The following TSPAN7 variants were observed in gnomAD, a reference collection of about 807,000 sequenced individuals.
The protein encoded by TSPAN7 is tetraspanin-7.
A neutral mutation model predicts 17.6 loss-of-function variants in TSPAN7; 1 was observed. That is an observed-to-expected ratio of 0.06 (90% CI 0.02 to 0.27). The LOEUF (loss-of-function observed/expected upper bound fraction) is 0.27, where lower values mean the gene tolerates loss of function less well. TSPAN7 is among the 10% of genes least tolerant of loss of function. The pLI is 1.00. For synonymous variants in TSPAN7, 78 were observed against 79.0 expected, an observed-to-expected ratio of 0.99 and a Z score of 0.07; for missense variants, 112 against 201.7, an observed-to-expected ratio of 0.56 and a Z score of 2.69.
chrX:38,642,902 G>T (rs2069621438), intron 1 of TSPAN7, among the ~76,000 whole-genome samples: 1 of 111,347 alleles, frequency 9.0e-6, no homozygotes, highest in Admixed American at 9.5e-5. Context: ...ATGCTTCTGA[G>T]AGTTCCTAGC....
chrX:38,569,402 C>T (rs935464319), intron 1 of TSPAN7, among the ~76,000 whole-genome samples: 1 of 106,586 alleles, frequency 9.4e-6, no homozygotes, highest in Non-Finnish European at 1.9e-5. Flanking sequence ...CTTATATTCC[C>T]CAGTTCAGGG....
At chrX:38,649,110 C>T (rs2069662138) in intron 1 of TSPAN7, among the ~76,000 whole-genome samples, 1 of 110,917 alleles carries the variant, frequency 9.0e-6, no homozygotes, top group African/African-American at 3.3e-5. Context: ...GTCCTTAGGC[C>T]CTTTCTTCAC....
intron 1 of TSPAN7, among the ~76,000 whole-genome samples, chrX:38,633,472 G>A (rs963636963): frequency 1.8e-5 from 2 of 111,946 alleles, no homozygotes; most frequent in Non-Finnish European, 3.8e-5. Context: ...ATAAATGTTA[G>A]GTTTAAAAAT....
intron 1 of TSPAN7, among the ~76,000 whole-genome samples, chrX:38,642,310 T>C (rs2069617083): frequency 9.0e-6 from 1 of 111,672 alleles, no homozygotes; most frequent in Non-Finnish European, 1.9e-5. Context: ...GACAATACCA[T>C]CATGAGAGGA....
At chrX:38,579,547 G>T (rs2069216225) in intron 1 of TSPAN7, among the ~76,000 whole-genome samples, 1 of 111,297 alleles carries the variant, frequency 9.0e-6, no homozygotes. Context: ...GATTGTGCCA[G>T]CCTGGGTGAC....
At chrX:38,564,988 C>CT (rs201353137) in intron 1 of TSPAN7, among the ~76,000 whole-genome samples, 3,058 of 109,057 alleles carry the variant, frequency 0.028, 135 homozygotes, top group East Asian at 0.23. Context: ...CCTATTTTTT[C>CT]TTTTTTTTTG....
intron 1 of TSPAN7, among the ~76,000 whole-genome samples, chrX:38,639,423 G>A (rs997997573): frequency 4.7e-5 from 5 of 105,406 alleles, no homozygotes; most frequent in Non-Finnish European, 3.9e-5. Flanking sequence ...ACTTTACATC[G>A]TCTGATTTGG....
chrX:38,614,992 CT>C (rs5902195), intron 1 of TSPAN7, among the ~76,000 whole-genome samples: 32,333 of 104,308 alleles, frequency 0.31, 3,962 homozygotes, highest in East Asian at 0.65. Context: ...CAGATTTATT[CT>C]TTTTTTTTTT....
intron 3 of TSPAN7, among the ~76,000 whole-genome samples, chrX:38,673,232 G>A (rs2069832493): frequency 9.0e-6 from 1 of 111,711 alleles, no homozygotes; most frequent in South Asian, 3.8e-4. Flanking sequence ...TTTACCAATT[G>A]GGGGTCAGTT....
intron 1 of TSPAN7, among the ~76,000 whole-genome samples, chrX:38,618,048 A>G (rs1382089299): frequency 1.8e-5 from 2 of 112,049 alleles, no homozygotes; most frequent in African/African-American, 6.5e-5. Context: ...TCGTTGGTGC[A>G]GTGAACATCA....
At chrX:38,579,598 G>T (rs1035361246) in intron 1 of TSPAN7, among the ~76,000 whole-genome samples, 2 of 110,727 alleles carry the variant, frequency 1.8e-5, no homozygotes, top group Non-Finnish European at 1.9e-5. Context: ...TAATAATAAT[G>T]CAAAGCAAAA....
At chrX:38,671,502 T>G in intron 3 of TSPAN7, 52 bp downstream of exon 3, 1 of 1,099,053 alleles carries the variant, frequency 9.1e-7, no homozygotes, top group Non-Finnish European at 1.3e-6. Flanking sequence ...GGGAGGAGGA[T>G]TCTTGAAACC....
chrX:38,637,946 A>G (rs2069590448), intron 1 of TSPAN7, among the ~76,000 whole-genome samples: 1 of 111,836 alleles, frequency 8.9e-6, no homozygotes. Context: ...AGATTGCTCC[A>G]GCCCCGGGGG....
intron 1 of TSPAN7, chrX:38,566,176 T>C (rs750761533): frequency 2.3e-3 from 517 of 227,477 alleles, no homozygotes; most frequent in Non-Finnish European, 3.5e-3. Context: ...GTGTACTATA[T>C]AATTATTTGA....
At chrX:38,668,678 T>C (rs1025696558) in intron 2 of TSPAN7, among the ~76,000 whole-genome samples, 14 of 112,276 alleles carry the variant, frequency 1.2e-4, no homozygotes, top group Non-Finnish European at 2.4e-4. Flanking sequence ...AGACACATTG[T>C]GTCCAGTGTG....
At chrX:38,580,055 T>G (rs994496857) in intron 1 of TSPAN7, among the ~76,000 whole-genome samples, 1 of 112,699 alleles carries the variant, frequency 8.9e-6, no homozygotes, top group Non-Finnish European at 1.9e-5. Flanking sequence ...TATGTTTCCA[T>G]GTCGACAGAC....
chrX:38,671,439 T>C lies in TSPAN7; in HGVS notation c.334T>C (p.Phe112Leu). The C allele has an allele frequency of 8.3e-7, 1 of 1,211,043 alleles. No individual in the cohort carries two copies. Among genetic ancestry groups the C allele is most frequent in the South Asian group, 1.8e-5 (1 of 56,988 alleles). ...CGTAGCTGGCATTTCAGGGTTTGTGTTTCGTCATGAGGTGAGTATACACAA... is the reference window on the plus strand; with the variant it reads ...CGTAGCTGGCATTTCAGGGTTTGTGCTTCGTCATGAGGTGAGTATACACAA... ...ELVAGISGFVFRHEIKDTFLR... is the reference protein window; with the variant it reads ...ELVAGISGFVLRHEIKDTFLR... The change falls in exon 3 of 8, where the codon TTT (phenylalanine) becomes CTT (leucine). Residue 112 changes from phenylalanine (F) to leucine (L), a missense_variant. Physicochemically the swap from Phe to Leu is conservative, Grantham distance 22. Coordinates refer to ENST00000378482, the MANE Select transcript of TSPAN7 (RefSeq NM_004615.4).
At chrX:38,567,006 T>C (rs1438563113) in intron 1 of TSPAN7, among the ~76,000 whole-genome samples, 1 of 112,196 alleles carries the variant, frequency 8.9e-6, no homozygotes, top group Non-Finnish European at 1.9e-5. Flanking sequence ...AATAGTGCTA[T>C]CAAATTCTTC....
Position 38,619,547 on chromosome X carries a change from T to C in TSPAN7, c.82-46574T>C, listed in dbSNP as rs184613950. 2.6e-4 allele frequency among the ~76,000 whole-genome samples: 29 copies of C among 111,818 alleles called. No homozygotes were observed. In the East Asian group the frequency reaches 7.3e-3, roughly 28 times the overall value. On this transcript the variant is annotated intron_variant, in intron 1 of 7. Transcript: ENST00000378482. ...ATCACAGAAGCCTTAAGGGGACTGATAGTTGTATGAAGGGTAGGAGCTTGT... is the reference window on the plus strand; with the variant it reads ...ATCACAGAAGCCTTAAGGGGACTGACAGTTGTATGAAGGGTAGGAGCTTGT...
Sources: allele counts gnomAD v4.1 joint callset (sites outside exome capture counted in the v4.1 genomes callset), GRCh38; gene constraint gnomAD v4.1.1; transcripts MANE v1.5; gene names NCBI Gene and HGNC (gene_info 2026-07-23, HGNC 2026-07-21).